Variants in PRKG1 observed in about 807,000 individuals in gnomAD.
PRKG1 encodes the protein cGMP-dependent protein kinase 1.
Under a neutral mutation model 88.1 loss-of-function variants are expected in PRKG1, and 35 were observed. That is an observed-to-expected ratio of 0.40 (90% CI 0.30 to 0.53). The LOEUF is 0.53. Ranked by LOEUF, PRKG1 falls within the 20% of genes least tolerant of loss-of-function variation. The pLI, the probability that PRKG1 is intolerant of heterozygous loss-of-function variation, is 0.59. For missense variants in PRKG1, 540 were observed against 839.8 expected (o/e 0.64, Z 4.41); for synonymous variants, 303 against 292.5 (o/e 1.04, Z -0.37).
chr10:52,233,007 A>C (rs1454763897), intron 9 of PRKG1, among the ~76,000 whole-genome samples: 1 of 152,182 alleles, frequency 6.6e-6, no homozygotes, highest in Non-Finnish European at 1.5e-5. Context: ...GAACATCCCC[A>C]TTGTTAAGAC....
intron 3 of PRKG1, among the ~76,000 whole-genome samples, chr10:51,763,207 C>T (rs758215428): frequency 6.6e-6 from 1 of 151,820 alleles, no homozygotes; most frequent in African/African-American, 2.4e-5. Context: ...AAGGATGTTA[C>T]GTTATATGTA....
rs561874075 is a variant in PRKG1, at chr10:52,019,639, T to C, written c.763-34845T>C. ...CATGAGATATTGATATGCTCAGTCA[T>C]TTATAAAGAAGGCAAATTCAGCTCC... On this transcript the variant is annotated intron_variant, in intron 5 of 17. Transcript: ENST00000373980. Among the ~76,000 whole-genome samples the C allele has an allele frequency of 2.0e-5, 3 of 152,304 alleles. No homozygotes were observed. In the South Asian group the frequency reaches 6.2e-4, roughly 32 times the overall value.
intron 5 of PRKG1, among the ~76,000 whole-genome samples, chr10:51,971,551 A>T (rs2133091344): frequency 6.6e-6 from 1 of 152,216 alleles, no homozygotes; most frequent in South Asian, 2.1e-4. Context: ...GCACTCCAAT[A>T]TAAAAGAATA....
At position 52,136,680 on chromosome 10, in the gene PRKG1, G is replaced by T. The variant is rs141019161; in HGVS notation, c.1001+2775G>T. 1.8e-3 allele frequency among the ~76,000 whole-genome samples: 277 copies of T among 152,078 alleles called. 1 individual carries two copies. Among genetic ancestry groups the T allele is most frequent in the African/African-American group, 6.4e-3 (265 of 41,526 alleles). ...ATTATCAAAATTATAAAATTGATTTGAAAATCAAATGATTTAACATAGGTA... is the reference window on the plus strand; with the variant it reads ...ATTATCAAAATTATAAAATTGATTTTAAAATCAAATGATTTAACATAGGTA... On this transcript the variant is annotated intron_variant, in intron 8 of 17. Transcript: ENST00000373980.
chr10:52,081,634 T>C (rs1216997748), intron 7 of PRKG1: 2 of 456,670 alleles, frequency 4.4e-6, no homozygotes, highest in Admixed American at 4.7e-5. Flanking sequence ...AAAACATGTT[T>C]CTTCATGGAT....
At chr10:51,017,301 T>A (rs1384792722) in intron 1 of PRKG1, among the ~76,000 whole-genome samples, 1 of 152,160 alleles carries the variant, frequency 6.6e-6, no homozygotes, top group Non-Finnish European at 1.5e-5. Flanking sequence ...TTTTACAAAT[T>A]TTCCGTTTAC....
chr10:52,065,026 A>G (rs1846324457), intron 7 of PRKG1, among the ~76,000 whole-genome samples: 1 of 152,226 alleles, frequency 6.6e-6, no homozygotes, highest in African/African-American at 2.4e-5. Flanking sequence ...GTAGAGGTGT[A>G]CTTCTGTGAG....
chr10:52,001,199 A>T (rs558578803), intron 5 of PRKG1, among the ~76,000 whole-genome samples: 4 of 152,072 alleles, frequency 2.6e-5, no homozygotes, highest in Admixed American at 2.6e-4. Flanking sequence ...TCAAGACTGG[A>T]TAATATTTCA....
At chr10:51,637,461 G>T (rs763530021) in intron 3 of PRKG1, among the ~76,000 whole-genome samples, 37 of 152,166 alleles carry the variant, frequency 2.4e-4, no homozygotes, top group Admixed American at 5.9e-4. Flanking sequence ...ATAAAGATAC[G>T]CATATGTATG....
At chr10:51,320,722 T>C (rs1359613103) in intron 2 of PRKG1, 1 of 152,204 alleles carries the variant, frequency 6.6e-6, no homozygotes, top group East Asian at 1.9e-4. Context: ...CCTTTCTTGC[T>C]CTGTCTCTCA....
intron 2 of PRKG1, among the ~76,000 whole-genome samples, chr10:51,410,258 G>GTGTGTGTA (rs752171833): frequency 6.9e-6 from 1 of 145,458 alleles, no homozygotes; most frequent in African/African-American, 2.6e-5. Flanking sequence ...GTGTGTGTGT[G>GTGTGTGTA]TATATATATA....
At position 51,587,150 on chromosome 10, in the gene PRKG1, G is replaced by T. The variant is rs547150793; in HGVS notation, c.592+119314G>T. ...TGTCATCTGAGAAATGTAGGAACTG[G>T]CTCCTTCTAGTTGGAAGACTTCTAA... On this transcript the variant is annotated intron_variant, in intron 3 of 17. Coordinates refer to ENST00000373980, the MANE Select transcript of PRKG1 (RefSeq NM_006258.4). Among the ~76,000 whole-genome samples the T allele has an allele frequency of 4.6e-5, 7 of 152,158 alleles. No individual in the cohort carries two copies. The East Asian group carries it at 1.4e-3, about 29-fold the overall frequency.
chr10:52,109,098 T>C (rs935481249), intron 7 of PRKG1, among the ~76,000 whole-genome samples: 1 of 152,104 alleles, frequency 6.6e-6, no homozygotes, highest in African/African-American at 2.4e-5. Flanking sequence ...AGTGCTGGGA[T>C]TACAGGTGTG....
Position 51,944,867 on chromosome 10 carries a change from A to G in PRKG1, c.762+37297A>G, listed in dbSNP as rs1027453765. Among the ~76,000 whole-genome samples the G allele has an allele frequency of 3.2e-4, 49 of 151,928 alleles. 2 individuals are homozygous for G. Among genetic ancestry groups the G allele is most frequent in the African/African-American group, 1.2e-3 (48 of 41,236 alleles). ...TTTTACATTTGCTGAGGAGAGCTTTACTTCCAAGTATGTGGTCAGTTTTGG... is the reference window on the plus strand; with the variant it reads ...TTTTACATTTGCTGAGGAGAGCTTTGCTTCCAAGTATGTGGTCAGTTTTGG... On this transcript the variant is annotated intron_variant, in intron 5 of 17. Coordinates refer to ENST00000373980, the MANE Select transcript of PRKG1 (RefSeq NM_006258.4).
At chr10:52,153,827 C>A (rs11001000) in intron 8 of PRKG1, among the ~76,000 whole-genome samples, 62,233 of 151,830 alleles carry the variant, frequency 0.41, 14,901 homozygotes, top group Non-Finnish European at 0.53. Flanking sequence ...CTCACTGCAA[C>A]CTCCGCCTCC....
At chr10:51,436,508 A>T (rs894952672) in intron 2 of PRKG1, among the ~76,000 whole-genome samples, 3 of 151,982 alleles carry the variant, frequency 2.0e-5, no homozygotes, top group Non-Finnish European at 4.4e-5. Flanking sequence ...TGTGACTAAC[A>T]TCCATTGAGC....
At position 51,859,353 on chromosome 10, in the gene PRKG1, C is replaced by CT. The variant is rs202084201; in HGVS notation, c.699-48141dup. Among the ~76,000 whole-genome samples, 315 of 142,946 alleles carry CT rather than the reference C, an allele frequency of 2.2e-3. 5 individuals are homozygous for CT. In the East Asian group the frequency reaches 0.027, roughly 12 times the overall value. 93.8% of individuals were successfully genotyped at this position (142,946 alleles called of 152,430 possible). A position where few individuals can be genotyped will look rare whatever the true frequency, so the allele number is the denominator to read the frequency against. On this transcript the variant is annotated intron_variant, in intron 4 of 17. Coordinates refer to ENST00000373980, the MANE Select transcript of PRKG1 (RefSeq NM_006258.4). ...AGTGGCACCTTAAGCCTTTTTCTTTCTTTTTTTTTTTTTCTTCATGTGAAG... is the reference window on the plus strand; with the variant it reads ...AGTGGCACCTTAAGCCTTTTTCTTTCTTTTTTTTTTTTTTCTTCATGTGAAG...
intron 7 of PRKG1, among the ~76,000 whole-genome samples, chr10:52,099,079 G>C (rs1038562138): frequency 1.3e-5 from 2 of 152,066 alleles, no homozygotes; most frequent in African/African-American, 4.8e-5. Flanking sequence ...GGTAAGAAAA[G>C]AGCAGGATCA....
chr10:51,624,419 A>T (rs1365542723), intron 3 of PRKG1, among the ~76,000 whole-genome samples: 1 of 152,230 alleles, frequency 6.6e-6, no homozygotes, highest in Non-Finnish European at 1.5e-5. Context: ...GTCGGTCTCT[A>T]TAATAAACAG....
Sources: gnomAD v4.1 joint callset for allele counts (sites outside exome capture counted in the v4.1 genomes callset) on GRCh38, gnomAD v4.1.1 for gene constraint, MANE v1.5 for transcripts, NCBI Gene and HGNC (gene_info 2026-07-23, HGNC 2026-07-21) for gene names.